The following PUM3 variants were observed in gnomAD, a reference collection of about 807,000 sequenced individuals.
PUM3 encodes the protein pumilio RNA binding family member 3.
A neutral mutation model predicts 84.0 loss-of-function variants in PUM3; 91 were observed. That is an observed-to-expected ratio of 1.08 (90% CI 0.91 to 1.29). The LOEUF (loss-of-function observed/expected upper bound fraction) is 1.29. PUM3 is among the 50% of genes most tolerant of loss of function. The pLI, the probability that PUM3 is intolerant of heterozygous loss-of-function variation, is 0.00. For synonymous variants in PUM3, 321 were observed against 266.7 expected (o/e 1.20, Z -1.98); for missense variants, 1,067 against 767.5 (o/e 1.39, Z -4.61).
chr9:2,809,052 G>C (rs1201462970), intron 16 of PUM3, among the ~76,000 whole-genome samples: 1 of 152,152 alleles, frequency 6.6e-6, no homozygotes, highest in Non-Finnish European at 1.5e-5. Flanking sequence ...CCAGCCATGT[G>C]AGTGAGCTAA....
chr9:2,819,164 C>G (rs993699123), intron 13 of PUM3, among the ~76,000 whole-genome samples: 1 of 152,182 alleles, frequency 6.6e-6, no homozygotes, highest in Non-Finnish European at 1.5e-5. Context: ...TTCTTATCCC[C>G]ACCCTGCTGC....
intron 16 of PUM3, among the ~76,000 whole-genome samples, chr9:2,808,586 T>G (rs1434086642): frequency 6.6e-6 from 1 of 152,206 alleles, no homozygotes; most frequent in Non-Finnish European, 1.5e-5. Flanking sequence ...GCAAACATCA[T>G]AGTCAGGTAG....
intron 1 of PUM3, among the ~76,000 whole-genome samples, chr9:2,841,548 A>G (rs1470762909): frequency 6.6e-6 from 1 of 152,206 alleles, no homozygotes; most frequent in African/African-American, 2.4e-5. Flanking sequence ...AGCCTGGGCA[A>G]CAGAGTGAGA....
intron 13 of PUM3, among the ~76,000 whole-genome samples, chr9:2,817,850 T>A (rs1014622470): frequency 6.6e-6 from 1 of 152,304 alleles, no homozygotes; most frequent in Admixed American, 6.5e-5. Context: ...AAAATATGCA[T>A]CAATATTTAT....
chr9:2,809,894 T>A (rs1016612036), intron 16 of PUM3, among the ~76,000 whole-genome samples: 3 of 152,148 alleles, frequency 2.0e-5, no homozygotes, highest in Admixed American at 6.5e-5. Flanking sequence ...AGTCCAAAAC[T>A]CTCTTACGAG....
chr9:2,827,736 A>G (rs1009742534), intron 9 of PUM3, among the ~76,000 whole-genome samples: 1 of 152,224 alleles, frequency 6.6e-6, no homozygotes, highest in Non-Finnish European at 1.5e-5. Context: ...TAGACAGCAA[A>G]AACTAACACT....
At chr9:2,810,252 T>C in intron 16 of PUM3, 92 bp downstream of exon 16, 1 of 808,988 alleles carries the variant, frequency 1.2e-6, no homozygotes, top group Non-Finnish European at 2.1e-6. Context: ...AAACTTCATT[T>C]GAGCTTAAAT....
At chr9:2,840,429 T>C (rs1289758652) in intron 1 of PUM3, among the ~76,000 whole-genome samples, 2 of 152,204 alleles carry the variant, frequency 1.3e-5, no homozygotes, top group African/African-American at 4.8e-5. Context: ...AGACATCCTA[T>C]GTCCTCCTAA....
rs754487310 is a variant in PUM3 at position 2,831,006 on chromosome 9, T to C, written c.633A>G (p.Lys211=). The change falls in exon 7 of 18, where the codon AAA becomes AAG. Residue 211 remains lysine, a synonymous_variant. Transcript: ENST00000397885. ...ELRDDLVELS[K]AKYSRNIVKK... is the part of the protein sequence containing the mutation. ...TAACAATATTTCTCGAATATTTGGC[T>C]TTACTTAACTCAACCAAATCATCTG... 6.7e-7 allele frequency: 1 copy of C among 1,492,970 alleles called. No individual in the cohort carries two copies. The highest frequency in any genetic ancestry group is 1.2e-5 in the South Asian group (1 of 86,660). The allele number at this position is 1,492,970 out of a possible 1,614,324, so 92.5% of individuals were successfully genotyped here.
intron 13 of PUM3, among the ~76,000 whole-genome samples, chr9:2,813,061 G>T (rs1027312263): frequency 2.6e-5 from 4 of 152,174 alleles, no homozygotes; most frequent in African/African-American, 9.7e-5. Context: ...TTTAGCTACC[G>T]CAATGAAAAA....
At chr9:2,829,697 A>T (rs1358530200) in intron 8 of PUM3, 77 bp downstream of exon 8, 9 of 1,246,316 alleles carry the variant, frequency 7.2e-6, no homozygotes, top group Non-Finnish European at 1.0e-5. Flanking sequence ...CATTCAAAAG[A>T]TATATAGGGC....
intron 9 of PUM3, 79 bp from the exon 10 acceptor site, chr9:2,827,230 C>T: frequency 1.1e-6 from 1 of 879,418 alleles, no homozygotes; most frequent in Non-Finnish European, 1.8e-6. Flanking sequence ...TCTCAAAGTC[C>T]TAAAGTAATC....
intron 8 of PUM3, among the ~76,000 whole-genome samples, chr9:2,829,352 C>T (rs1157309527): frequency 1.3e-5 from 2 of 152,180 alleles, no homozygotes; most frequent in East Asian, 3.9e-4. Flanking sequence ...CATCTCCAGA[C>T]ACAATCTGAA....
At chr9:2,808,204 T>G (rs1320867446) in intron 16 of PUM3, among the ~76,000 whole-genome samples, 1 of 152,256 alleles carries the variant, frequency 6.6e-6, no homozygotes. Flanking sequence ...TTCTTTGTAT[T>G]ATTTAATGAT....
intron 13 of PUM3, among the ~76,000 whole-genome samples, chr9:2,819,204 T>C (rs1387623055): frequency 6.6e-6 from 1 of 152,142 alleles, no homozygotes. Context: ...ACACCACTCA[T>C]ACACTAAAAA....
chr9:2,834,439 T>C (rs1451978679), intron 3 of PUM3, among the ~76,000 whole-genome samples: 1 of 152,236 alleles, frequency 6.6e-6, no homozygotes, highest in South Asian at 2.1e-4. Context: ...GTAACTAGAA[T>C]ATTTTAAATA....
At position 2,811,987 on chromosome 9, in the gene PUM3, G is replaced by A. The variant is rs542321694; in HGVS notation, c.1412+233C>T. Among the ~76,000 whole-genome samples, 9 of 152,228 alleles carry A rather than the reference G, an allele frequency of 5.9e-5. No homozygotes were observed. In the South Asian group the frequency reaches 8.3e-4, roughly 14 times the overall value. ...TAAAGCAAAATAAAAGCCAAACCAC[G>A]CACTTGAATGCCTACTATGTGCCAG... is the stretch of plus-strand genomic sequence containing the variant. On this transcript the variant is annotated intron_variant, in intron 14 of 17. Coordinates refer to ENST00000397885, the MANE Select transcript of PUM3 (RefSeq NM_014878.5).
intron 3 of PUM3, among the ~76,000 whole-genome samples, chr9:2,835,195 T>A (rs193244614): frequency 1.1e-4 from 17 of 152,238 alleles, no homozygotes; most frequent in African/African-American, 4.1e-4. Flanking sequence ...GAAGAATCAT[T>A]TGAGGCCAGG....
At chr9:2,841,188 G>C (rs113449738) in intron 1 of PUM3, among the ~76,000 whole-genome samples, 48 of 152,250 alleles carry the variant, frequency 3.2e-4, no homozygotes, top group African/African-American at 1.1e-3. Flanking sequence ...TACATGCATA[G>C]TTTCAGAATT....
Sources: allele counts gnomAD v4.1 joint callset (sites outside exome capture counted in the v4.1 genomes callset), GRCh38; gene constraint gnomAD v4.1.1; transcripts MANE v1.5; gene names NCBI Gene and HGNC (gene_info 2026-07-23, HGNC 2026-07-21).